The following NPSR1 variants were observed in gnomAD, a reference collection of about 807,000 sequenced individuals.
The protein encoded by NPSR1 is neuropeptide S receptor 1.
A neutral mutation model predicts 46.9 loss-of-function variants in NPSR1; 48 were observed. The ratio of observed to expected loss-of-function variants is 1.02; its 90% CI spans 0.81 to 1.30. The LOEUF is 1.30. NPSR1 is among the 50% of genes most tolerant of loss of function. The probability of loss-of-function intolerance (pLI) is 0.00; values close to 1 mark genes in which losing one functional copy is unlikely to be tolerated. For missense variants in NPSR1, 450 were observed against 449.5 expected (o/e 1.00, Z -0.01); for synonymous variants, 176 against 168.1 (o/e 1.05, Z -0.36).
At chr7:34,740,120 G>C (rs139829569) in intron 2 of NPSR1, among the ~76,000 whole-genome samples, 5 of 152,168 alleles carry the variant, frequency 3.3e-5, no homozygotes, top group Admixed American at 1.3e-4. Context: ...CAGGTCAATG[G>C]AGTTATGTTC....
chr7:34,755,796 AT>A (rs201081491), intron 2 of NPSR1, among the ~76,000 whole-genome samples: 47 of 152,118 alleles, frequency 3.1e-4, no homozygotes, highest in Middle Eastern at 3.4e-3. Flanking sequence ...GAAAAAAAAA[AT>A]AATAGTAATA....
intron 6 of NPSR1, among the ~76,000 whole-genome samples, chr7:34,843,225 G>C (rs1244396434): frequency 6.6e-6 from 1 of 152,178 alleles, no homozygotes; most frequent in East Asian, 1.9e-4. Context: ...TTTAAAAAAA[G>C]AGATTTATTT....
At chr7:34,683,446 CAAAA>C (rs34732541) in intron 1 of NPSR1, among the ~76,000 whole-genome samples, 1,369 of 113,208 alleles carry the variant, frequency 0.012, 22 homozygotes, top group African/African-American at 0.04. Flanking sequence ...GACTCTGTCA[CAAAA>C]AAAAAAAAAA....
At position 34,863,004 on chromosome 7, in the gene NPSR1, A is replaced by G. The variant is rs146205369; in HGVS notation, c.1025+14341A>G. ...CTATACTACAAGGCTACAGTAACCA[A>G]AACAGCATGATACTGGTACCAAAAC... On this transcript the variant is annotated intron_variant, in intron 8 of 8. Coordinates refer to the NPSR1 transcript ENST00000359791. Among the ~76,000 whole-genome samples the G allele has an allele frequency of 7.2e-3, 1,101 of 151,902 alleles. 9 individuals carry two copies. The highest frequency in any genetic ancestry group is 0.017 in the Middle Eastern group (5 of 294).
intron 3 of NPSR1, among the ~76,000 whole-genome samples, chr7:34,794,389 C>A (rs35184746): frequency 6.6e-6 from 1 of 151,794 alleles, no homozygotes; most frequent in South Asian, 2.1e-4. Flanking sequence ...ATTTTAGAAA[C>A]GTTAAGAAAG....
At chr7:34,848,044 C>G (rs866001841) in intron 7 of NPSR1, among the ~76,000 whole-genome samples, 15 of 152,322 alleles carry the variant, frequency 9.8e-5, no homozygotes, top group African/African-American at 3.1e-4. Flanking sequence ...ACCCCTTCTC[C>G]CTGACATAAC....
Position 34,691,264 on chromosome 7 carries a change from T to C in NPSR1, c.280+6580T>C, listed in dbSNP as rs1037326984. ...GGAAACAAAAGAACAATACTCATCATCATAAAAGGACACACAGATACAAAG... is the reference window on the plus strand; with the variant it reads ...GGAAACAAAAGAACAATACTCATCACCATAAAAGGACACACAGATACAAAG... On this transcript the variant is annotated intron_variant, in intron 2 of 8. Transcript: ENST00000360581. 2.0e-5 allele frequency among the ~76,000 whole-genome samples: 3 copies of C among 152,210 alleles called. No individual in the cohort carries two copies. In the East Asian group the frequency reaches 5.8e-4, roughly 29 times the overall value.
At chr7:34,871,195 A>G (rs1160528515) in intron 8 of NPSR1, among the ~76,000 whole-genome samples, 1 of 151,738 alleles carries the variant, frequency 6.6e-6, no homozygotes, top group African/African-American at 2.4e-5. Context: ...ATAATGGCAG[A>G]AGGTGACAGG....
intron 8 of NPSR1, among the ~76,000 whole-genome samples, chr7:34,875,469 T>A (rs578259336): frequency 6.6e-6 from 1 of 152,328 alleles, no homozygotes; most frequent in East Asian, 1.9e-4. Context: ...AGGAATGAGA[T>A]GGAAGGCTGC....
chr7:34,716,687 A>G (rs1400353051), intron 2 of NPSR1, among the ~76,000 whole-genome samples: 1 of 152,068 alleles, frequency 6.6e-6, no homozygotes, highest in African/African-American at 2.4e-5. Flanking sequence ...GTTTTTTTAA[A>G]CCGCTGGCCA....
At chr7:34,856,819 A>C (rs909900583) in intron 8 of NPSR1, among the ~76,000 whole-genome samples, 6 of 151,620 alleles carry the variant, frequency 4.0e-5, no homozygotes, top group African/African-American at 1.2e-4. Context: ...CAGATAAGGA[A>C]ACTTCATGAT....
At chr7:34,698,170 G>T (rs1208523137) in intron 2 of NPSR1, among the ~76,000 whole-genome samples, 1 of 152,108 alleles carries the variant, frequency 6.6e-6, no homozygotes, top group Non-Finnish European at 1.5e-5. Context: ...CTTAGAATTT[G>T]CTTTGAAAGG....
intron 2 of NPSR1, among the ~76,000 whole-genome samples, chr7:34,726,662 G>A (rs1784168394): frequency 6.6e-6 from 1 of 151,974 alleles, no homozygotes; most frequent in Admixed American, 6.5e-5. Context: ...TCCAGACAAT[G>A]GAATATTATT....
chr7:34,855,764 C>A (rs1248558291), intron 8 of NPSR1, among the ~76,000 whole-genome samples: 3 of 150,398 alleles, frequency 2.0e-5, no homozygotes, highest in Admixed American at 2.0e-4. Context: ...GCAAAAATTC[C>A]AAAAAAAAAT....
At chr7:34,768,661 T>C (rs1786538133) in intron 2 of NPSR1, among the ~76,000 whole-genome samples, 2 of 152,192 alleles carry the variant, frequency 1.3e-5, no homozygotes, top group Admixed American at 6.5e-5. Flanking sequence ...ATATAAAACA[T>C]CTAATACTCA....
chr7:34,779,079 G>A (rs73693312), intron 3 of NPSR1, among the ~76,000 whole-genome samples: 20 of 152,082 alleles, frequency 1.3e-4, no homozygotes, highest in African/African-American at 4.6e-4. Context: ...TTTTATAACT[G>A]AGAGACTTTT....
chr7:34,863,060 G>A (rs1247125716), intron 8 of NPSR1, among the ~76,000 whole-genome samples: 1 of 151,644 alleles, frequency 6.6e-6, no homozygotes, highest in African/African-American at 2.4e-5. Context: ...CAGAACAGAG[G>A]CCTCAGAAAT....
At chr7:34,803,755 A>AG (rs1386875561) in intron 3 of NPSR1, among the ~76,000 whole-genome samples, 4 of 125,054 alleles carry the variant, frequency 3.2e-5, no homozygotes, top group African/African-American at 5.8e-5. Context: ...TAGCATGAGT[A>AG]GAAAAAAAAA....
intron 2 of NPSR1, among the ~76,000 whole-genome samples, chr7:34,731,232 A>T (rs958985384): frequency 3.9e-5 from 6 of 152,160 alleles, no homozygotes; most frequent in African/African-American, 7.2e-5. Flanking sequence ...ACTTTCTACA[A>T]ATCAATAAGT....
Sources: gnomAD v4.1 joint callset for allele counts (sites outside exome capture counted in the v4.1 genomes callset) on GRCh38, gnomAD v4.1.1 for gene constraint, MANE v1.5 for transcripts, NCBI Gene and HGNC (gene_info 2026-07-23, HGNC 2026-07-21) for gene names.